KPNA7: variants seen among roughly 807,000 people sequenced by gnomAD.
KPNA7 encodes importin subunit alpha-8.
Under a neutral mutation model 53.7 loss-of-function variants are expected in KPNA7, and 54 were observed. That is an observed-to-expected ratio of 1.01 (90% CI 0.81 to 1.26). The LOEUF (loss-of-function observed/expected upper bound fraction) is 1.26, where lower values mean the gene tolerates loss of function less well. Ranked by LOEUF, KPNA7 falls within the 50% of genes most tolerant of loss-of-function variation. KPNA7 has a pLI of 0.00. For missense variants in KPNA7, 640 were observed against 644.5 expected, an observed-to-expected ratio of 0.99 and a Z score of 0.07; for synonymous variants, 276 against 259.3, an observed-to-expected ratio of 1.06 and a Z score of -0.62.
the KPNA7 span, among the ~76,000 whole-genome samples, chr7:99,148,801 C>T: frequency 6.6e-6 from 1 of 150,450 alleles, no homozygotes; most frequent in Non-Finnish European, 1.5e-5. Flanking sequence ...CTCACTCTGT[C>T]GGCCAGGCTA....
At chr7:99,149,637 A>G in the KPNA7 span, among the ~76,000 whole-genome samples, 2 of 152,176 alleles carry the variant, frequency 1.3e-5, no homozygotes, top group Non-Finnish European at 2.9e-5. Flanking sequence ...GTGGGAGTGG[A>G]CAGTTATAGT....
At chr7:99,180,658 T>TC (rs1799146551) in intron 9 of KPNA7, among the ~76,000 whole-genome samples, 1 of 126,648 alleles carries the variant, frequency 7.9e-6, no homozygotes, top group East Asian at 2.7e-4. Flanking sequence ...TGTCTCTCTC[T>TC]CCCCATCTGT....
the KPNA7 span, among the ~76,000 whole-genome samples, chr7:99,158,765 G>C: frequency 6.6e-6 from 1 of 152,102 alleles, no homozygotes; most frequent in Non-Finnish European, 1.5e-5. Flanking sequence ...GCCTCCCAAA[G>C]TGCTGGGATT....
chr7:99,204,588 G>A (rs1308029100), intron 2 of KPNA7, among the ~76,000 whole-genome samples: 2 of 152,072 alleles, frequency 1.3e-5, no homozygotes, highest in African/African-American at 4.8e-5. Flanking sequence ...TTGAAAATGG[G>A]TCATCAGCCG....
intron 3 of KPNA7, 48 bp downstream of exon 3, chr7:99,203,058 G>A (rs1216079123): frequency 1.3e-6 from 2 of 1,537,184 alleles, no homozygotes; most frequent in Non-Finnish European, 8.8e-7. Context: ...AGAGACACTT[G>A]CTAAGAACAT....
intron 6 of KPNA7, among the ~76,000 whole-genome samples, chr7:99,188,811 G>A (rs1245714720): frequency 6.6e-6 from 1 of 152,072 alleles, no homozygotes; most frequent in Non-Finnish European, 1.5e-5. Flanking sequence ...CTGAGTAGCT[G>A]GGATTACAGG....
chr7:99,198,623 A>G (rs1790349872), intron 3 of KPNA7, among the ~76,000 whole-genome samples: 1 of 152,184 alleles, frequency 6.6e-6, no homozygotes, highest in African/African-American at 2.4e-5. Flanking sequence ...ATAAAAGGAA[A>G]CTTCTTCATT....
chr7:99,213,068 C>A (rs943165059), upstream of KPNA7, among the ~76,000 whole-genome samples: 1 of 151,490 alleles, frequency 6.6e-6, no homozygotes, highest in Non-Finnish European at 1.5e-5. Flanking sequence ...AGACATAGGG[C>A]ATTTATAAGT....
intron 6 of KPNA7, among the ~76,000 whole-genome samples, chr7:99,189,593 G>A (rs1584286080): frequency 6.6e-6 from 1 of 152,122 alleles, no homozygotes; most frequent in Admixed American, 6.6e-5. Flanking sequence ...TATATTCACT[G>A]TCTACCTCCC....
chr7:99,173,657 A>C lies in KPNA7; in HGVS notation c.*51T>G. 8.4e-7 allele frequency: 1 copy of C among 1,188,320 alleles called. No individual in the cohort carries two copies. Among genetic ancestry groups the C allele is most frequent in the Non-Finnish European group, 1.2e-6 (1 of 826,186 alleles). 73.6% of individuals were successfully genotyped at this position (1,188,320 alleles called of 1,614,324 possible). A position where few individuals can be genotyped will look rare whatever the true frequency, so the allele number is the denominator to read the frequency against. ...AAGATAGAGGACTGCTGCTTCTTAA[A>C]GAAGTTATCCTTTAGCACTGGGTTG... On this transcript the variant is annotated 3_prime_UTR_variant, in exon 11 of 11. Coordinates refer to ENST00000327442, the MANE Select transcript of KPNA7 (RefSeq NM_001145715.3).
the KPNA7 span, among the ~76,000 whole-genome samples, chr7:99,156,626 G>C: frequency 5.9e-5 from 9 of 152,126 alleles, no homozygotes; most frequent in Admixed American, 5.9e-4. Context: ...CCAGGTTCAA[G>C]TGATTCTCCT....
At chr7:99,155,156 C>T in the KPNA7 span, among the ~76,000 whole-genome samples, 2 of 152,168 alleles carry the variant, frequency 1.3e-5, no homozygotes, top group Non-Finnish European at 2.9e-5. Flanking sequence ...ACACTTCCCT[C>T]TTCCTGCCTC....
chr7:99,182,123 A>G (rs1789283816), intron 8 of KPNA7, 58 bp from the exon 9 acceptor site: 3 of 1,313,580 alleles, frequency 2.3e-6, no homozygotes, highest in Non-Finnish European at 3.1e-6. Flanking sequence ...AATAGAGGAC[A>G]CCAACTTGGT....
At chr7:99,172,296 G>A (rs1798784193), downstream of KPNA7, among the ~76,000 whole-genome samples, 1 of 152,136 alleles carries the variant, frequency 6.6e-6, no homozygotes, top group African/African-American at 2.4e-5. Flanking sequence ...TGGCCTCTGG[G>A]GATGGGGTGG....
intron 4 of KPNA7, 56 bp downstream of exon 4, chr7:99,196,028 A>G: frequency 7.1e-7 from 1 of 1,412,658 alleles, no homozygotes; most frequent in Admixed American, 2.0e-5. Flanking sequence ...TCCAGCCATC[A>G]CTGACGCTCA....
chr7:99,154,456 CCAGGTCATTTATCAGAATTT>C, the KPNA7 span, among the ~76,000 whole-genome samples: 4 of 151,826 alleles, frequency 2.6e-5, no homozygotes, highest in Non-Finnish European at 5.9e-5. Flanking sequence ...CAGGTAACTC[CCAGGTCATTTATCAGAATTT>C]CAGGTCATTT....
chr7:99,160,099 A>G, the KPNA7 span, among the ~76,000 whole-genome samples: 1 of 131,852 alleles, frequency 7.6e-6, no homozygotes, highest in African/African-American at 3.0e-5. Context: ...ATCCTGGCTC[A>G]CTGCAAGCTC....
At chr7:99,202,410 G>C (rs1790582994) in intron 3 of KPNA7, among the ~76,000 whole-genome samples, 1 of 152,170 alleles carries the variant, frequency 6.6e-6, no homozygotes. Context: ...ATGGAGAAGG[G>C]AAGACAGGAC....
intron 2 of KPNA7, among the ~76,000 whole-genome samples, chr7:99,203,591 T>G (rs1389464907): frequency 1.3e-5 from 2 of 152,096 alleles, no homozygotes; most frequent in African/African-American, 4.8e-5. Flanking sequence ...ATATGGCTGC[T>G]TCCTGAATGT....
Sources: gnomAD v4.1 joint callset for allele counts (sites outside exome capture counted in the v4.1 genomes callset) on GRCh38, gnomAD v4.1.1 for gene constraint, MANE v1.5 for transcripts, NCBI Gene and HGNC (gene_info 2026-07-23, HGNC 2026-07-21) for gene names.